Variants in CLPSL1 observed in about 807,000 individuals in gnomAD.
CLPSL1 encodes the protein colipase-like protein 1.
In CLPSL1, 13 loss-of-function variants were observed where a neutral mutation model predicts 9.3. The ratio of observed to expected loss-of-function variants is 1.40; its 90% CI spans 0.91 to 2.22. The LOEUF is 2.22. Ranked by LOEUF, CLPSL1 falls within the 30% of genes most tolerant of loss-of-function variation. CLPSL1 has a pLI of 0.00. For synonymous variants in CLPSL1, 58 were observed against 56.9 expected (o/e 1.02, Z -0.08); for missense variants, 164 against 146.6 (o/e 1.12, Z -0.61).
In CLPSL1 at chr6:35,785,991, G is replaced by A. The variant is rs184345770; in HGVS notation, c.100-1007G>A. Among the ~76,000 whole-genome samples, 109 of 151,354 alleles carry A rather than the reference G, an allele frequency of 7.2e-4. 2 individuals are homozygous for A. In the East Asian group the frequency reaches 0.012, roughly 17 times the overall value. On this transcript the variant is annotated intron_variant, in intron 1 of 2. Coordinates refer to ENST00000373861, the MANE Select transcript of CLPSL1 (RefSeq NM_001010886.5). ...GGAAAGGAAAGAAAGAGGGTTGGGCGCGGTGGCTCATGCCTGTAATCCTAG... is the reference window on the plus strand; with the variant it reads ...GGAAAGGAAAGAAAGAGGGTTGGGCACGGTGGCTCATGCCTGTAATCCTAG...
At chr6:35,782,887 CTTATT>C (rs1281540305) in intron 1 of CLPSL1, among the ~76,000 whole-genome samples, 1 of 151,932 alleles carries the variant, frequency 6.6e-6, no homozygotes, top group Admixed American at 6.6e-5. Context: ...CCTTTCCTGC[CTTATT>C]TTCTTTATAG....
chr6:35,786,892 G>A, intron 1 of CLPSL1, 106 bp from the exon 2 acceptor site: 5 of 1,383,328 alleles, frequency 3.6e-6, no homozygotes, highest in East Asian at 2.5e-5. Flanking sequence ...AGGTGATGGT[G>A]GGAGCAGAGT....
At chr6:35,793,533 T>A (rs1283787143) in exon 2 of CLPSL1, 1 of 471,770 alleles carries the variant, frequency 2.1e-6, no homozygotes, top group Admixed American at 2.3e-5. Context: ...GGTGAGAACG[T>A]GAAGTCATGA....
Position 35,787,134 on chromosome 6 carries a change from C to A in CLPSL1, c.222+14C>A. On this transcript the variant is annotated intron_variant, in intron 2 of 2. Coordinates refer to ENST00000373861, the MANE Select transcript of CLPSL1 (RefSeq NM_001010886.5). ...TGTCAAACGCAGGTGGGTATCGCCG[C>A]CCGGGGGGAGCCAGAGGGGATCCAG... 1 of 1,611,034 alleles carries A rather than the reference C, an allele frequency of 6.2e-7. No homozygotes were observed. The highest frequency in any genetic ancestry group is 8.5e-7 in the Non-Finnish European group (1 of 1,179,312).
At chr6:35,783,880 T>G (rs1224310000) in intron 1 of CLPSL1, among the ~76,000 whole-genome samples, 2 of 152,032 alleles carry the variant, frequency 1.3e-5, no homozygotes, top group Non-Finnish European at 2.9e-5. Context: ...ATTTCACTTA[T>G]GTATCTCTTC....
At chr6:35,790,211 G>C (rs1201144749), downstream of CLPSL1, among the ~76,000 whole-genome samples, 1 of 152,246 alleles carries the variant, frequency 6.6e-6, no homozygotes, top group Non-Finnish European at 1.5e-5. Flanking sequence ...GGGATTACAG[G>C]CATGAGCCAC....
At chr6:35,784,118 G>A (rs2766582) in intron 1 of CLPSL1, among the ~76,000 whole-genome samples, 108,500 of 151,964 alleles carry the variant, frequency 0.71, 39,373 homozygotes, top group African/African-American at 0.85. Flanking sequence ...TAATATGTCA[G>A]TCAGTACCTG....
chr6:35,787,861 T>G lies in CLPSL1; in HGVS notation c.223-6T>G. 1 of 1,609,350 alleles carries G rather than the reference T, an allele frequency of 6.2e-7. No individual in the cohort carries two copies. Among genetic ancestry groups the G allele is most frequent in the Non-Finnish European group, 8.5e-7 (1 of 1,176,470 alleles). ...AAGGTCGAGGTCAAAGTCCTGTCTT[T>G]CCCAGGTGTTCTTTGGCCAATATAG... On this transcript the variant is annotated splice_polypyrimidine_tract_variant and splice_region_variant and intron_variant, in intron 2 of 2. Transcript: ENST00000373861.
downstream of CLPSL1, among the ~76,000 whole-genome samples, chr6:35,792,185 G>T (rs184414458): frequency 6.6e-6 from 1 of 152,108 alleles, no homozygotes; most frequent in African/African-American, 2.4e-5. Context: ...GAGGTGGGAG[G>T]ATCACTTGAG....
Position 35,787,069 on chromosome 6 carries a change from C to G in CLPSL1, c.171C>G (p.Cys57Trp). 3 of 1,607,830 alleles carry G rather than the reference C, an allele frequency of 1.9e-6. No individual in the cohort carries two copies. Among genetic ancestry groups the G allele is most frequent in the East Asian group, 2.2e-5 (1 of 44,584 alleles). Residue 57 changes from cysteine to tryptophan, a missense_variant, in exon 2 of 3, where the codon TGC (cysteine) becomes TGG (tryptophan). Cys to Trp is a radical substitution (Grantham distance 215). Transcript: ENST00000373861. The part of the protein sequence containing the change: ...TGCCQRAPDN[C>W]ESHCAEKGSE... ...GCTGCCAACGTGCTCCAGACAATTG[C>G]GAGTCGCACTGCGCGGAGAAGGGGT...
At chr6:35,786,847 C>T in intron 1 of CLPSL1, 151 bp from the exon 2 acceptor site, 1 of 1,004,604 alleles carries the variant, frequency 1.0e-6, no homozygotes, top group Non-Finnish European at 1.5e-6. Context: ...TACCCCGGCC[C>T]CCACGTAGAG....
At chr6:35,786,602 T>C (rs189650289) in intron 1 of CLPSL1, among the ~76,000 whole-genome samples, 90 of 152,208 alleles carry the variant, frequency 5.9e-4, no homozygotes, top group African/African-American at 2.1e-3. Context: ...AGGTCATTGA[T>C]GTGTGTAGGG....
intron 1 of CLPSL1, among the ~76,000 whole-genome samples, chr6:35,782,709 A>G (rs1335616809): frequency 1.3e-5 from 2 of 151,872 alleles, no homozygotes; most frequent in Non-Finnish European, 2.9e-5. Context: ...AGAGAATGGC[A>G]TTGTGGGAAT....
At chr6:35,790,142 C>A (rs1233407657), downstream of CLPSL1, among the ~76,000 whole-genome samples, 2 of 152,090 alleles carry the variant, frequency 1.3e-5, no homozygotes, top group African/African-American at 2.4e-5. Context: ...CACCATGTTG[C>A]CCAGGCTGGT....
At position 35,786,983 on chromosome 6, in the gene CLPSL1, T is replaced by C; in HGVS notation, c.100-15T>C. On this transcript the variant is annotated splice_polypyrimidine_tract_variant and intron_variant, in intron 1 of 2. Transcript: ENST00000373861. ...CGGGCGGTGGAGCCTGGCGGTGCCG[T>C]GTCCCTCCCTGCAGGAGCTCAAGGA... is the stretch of plus-strand genomic sequence containing the variant. 1 of 1,566,678 alleles carries C rather than the reference T, an allele frequency of 6.4e-7. No individual in the cohort carries two copies. The highest frequency in any genetic ancestry group is 1.2e-5 in the South Asian group (1 of 85,316).
chr6:35,787,170 A>T, intron 2 of CLPSL1, 50 bp downstream of exon 2: 1 of 1,597,014 alleles, frequency 6.3e-7, no homozygotes, highest in Non-Finnish European at 8.5e-7. Flanking sequence ...GGGAAGTGGG[A>T]GCCAGGGCGG....
At chr6:35,786,711 A>G (rs1354338743) in intron 1 of CLPSL1, among the ~76,000 whole-genome samples, 1 of 152,228 alleles carries the variant, frequency 6.6e-6, no homozygotes, top group Non-Finnish European at 1.5e-5. Flanking sequence ...AATGAAGTGC[A>G]AGAGAGAGAC....
chr6:35,784,332 G>A (rs1768027826), intron 1 of CLPSL1, among the ~76,000 whole-genome samples: 1 of 152,126 alleles, frequency 6.6e-6, no homozygotes, highest in South Asian at 2.1e-4. Flanking sequence ...TCCAGTAATA[G>A]GCTTCATAGA....
At chr6:35,791,913 CAAAT>C (rs58568700), downstream of CLPSL1, among the ~76,000 whole-genome samples, 1 of 149,396 alleles carries the variant, frequency 6.7e-6, no homozygotes, top group Non-Finnish European at 1.5e-5. Flanking sequence ...ACTAAAAATA[CAAAT>C]AAATAAATAA....
Sources: gnomAD v4.1 joint callset for allele counts (sites outside exome capture counted in the v4.1 genomes callset) on GRCh38, gnomAD v4.1.1 for gene constraint, MANE v1.5 for transcripts, NCBI Gene and HGNC (gene_info 2026-07-23, HGNC 2026-07-21) for gene names.